The following PCDH7 variants were observed in gnomAD, a reference collection of about 807,000 sequenced individuals.
PCDH7 encodes protocadherin-7.
In PCDH7, 17 loss-of-function variants were observed where a neutral mutation model predicts 58.9. The ratio of observed to expected loss-of-function variants is 0.29; its 90% CI spans 0.20 to 0.43. The LOEUF (loss-of-function observed/expected upper bound fraction) is 0.43. PCDH7 is among the 20% of genes least tolerant of loss of function. The pLI is 1.00. For missense variants in PCDH7, 1,274 were observed against 1,441.0 expected, an observed-to-expected ratio of 0.88 and a Z score of 1.88; for synonymous variants, 664 against 616.4, an observed-to-expected ratio of 1.08 and a Z score of -1.14.
intron 3 of PCDH7, among the ~76,000 whole-genome samples, chr4:31,021,870 T>G (rs575798372): frequency 6.6e-6 from 1 of 152,242 alleles, no homozygotes; most frequent in South Asian, 2.1e-4. Context: ...ACTGAGGAAG[T>G]TATTTTCTTT....
At chr4:30,911,987 G>A (rs930198108) in intron 1 of PCDH7, among the ~76,000 whole-genome samples, 7 of 152,048 alleles carry the variant, frequency 4.6e-5, no homozygotes, top group Non-Finnish European at 8.8e-5. Flanking sequence ...AATTTCTAAA[G>A]TACAGATATA....
intron 1 of PCDH7, among the ~76,000 whole-genome samples, chr4:30,847,769 A>G (rs746380670): frequency 6.6e-6 from 1 of 152,242 alleles, no homozygotes; most frequent in Middle Eastern, 3.4e-3. Flanking sequence ...AGAGAATTAT[A>G]TATTTTACCA....
At chr4:30,835,298 C>T (rs563166965) in intron 1 of PCDH7, among the ~76,000 whole-genome samples, 3 of 152,118 alleles carry the variant, frequency 2.0e-5, no homozygotes, top group Non-Finnish European at 4.4e-5. Flanking sequence ...CACAGGCAAG[C>T]GAGCATTACT....
intron 3 of PCDH7, among the ~76,000 whole-genome samples, chr4:31,114,808 A>G (rs1716797286): frequency 6.6e-6 from 1 of 152,172 alleles, no homozygotes; most frequent in Non-Finnish European, 1.5e-5. Flanking sequence ...GACTCCTTAA[A>G]TAAAAACATG....
intron 3 of PCDH7, among the ~76,000 whole-genome samples, chr4:31,112,181 C>T (rs182482561): frequency 3.3e-5 from 5 of 152,078 alleles, no homozygotes; most frequent in African/African-American, 1.2e-4. Context: ...TGATAGAAAC[C>T]TTCTTTCAGT....
In PCDH7 at chr4:30,891,598, T is replaced by A. The variant is rs188521349; in HGVS notation, c.71-28555T>A. 3.2e-3 allele frequency among the ~76,000 whole-genome samples: 493 copies of A among 152,166 alleles called. 1 individual carries two copies. Among genetic ancestry groups the A allele is most frequent in the Non-Finnish European group, 5.2e-3 (350 of 67,910 alleles). On this transcript the variant is annotated intron_variant, in intron 1 of 3. Transcript: ENST00000509759. The stretch of plus-strand genomic sequence containing the variant: ...CCTGGTGAATGAACTTATCAGTGTG[T>A]CTGATCCAAATCCACTATTTTTCTC...
chr4:31,085,660 A>G (rs1267405911), intron 3 of PCDH7, among the ~76,000 whole-genome samples: 1 of 152,174 alleles, frequency 6.6e-6, no homozygotes, highest in Non-Finnish European at 1.5e-5. Context: ...TTACATTTCA[A>G]CATGAGATTT....
chr4:30,727,875 T>C (rs2109233546), intron 1 of PCDH7, among the ~76,000 whole-genome samples: 1 of 152,058 alleles, frequency 6.6e-6, no homozygotes, highest in South Asian at 2.1e-4. Flanking sequence ...TTGCTTATTA[T>C]TCTTGAATTC....
Position 30,722,880 on chromosome 4 carries a change from C to A in PCDH7, c.1458C>A (p.Phe486Leu), listed in dbSNP as rs748738921. The change falls in exon 1 of 2, where the codon TTC (phenylalanine) becomes TTA (leucine). Residue 486 changes from phenylalanine to leucine, a missense_variant. By Grantham distance (22) the Phe-to-Leu change is conservative. Transcript: ENST00000361762. The surrounding 1 kb of genome is among the most constrained non-coding windows in gnomAD (Gnocchi z 7.6). ...GCGACCAGAACAAGAAAAAGTACTT[C>A]TTGCACACCTCGACCCCTCTGGACT... The A allele has an allele frequency of 1.9e-6, 3 of 1,613,788 alleles. No individual in the cohort carries two copies. Among genetic ancestry groups the A allele is most frequent in the Admixed American group, 1.7e-5 (1 of 60,004 alleles).
intron 1 of PCDH7, among the ~76,000 whole-genome samples, chr4:30,807,033 C>T (rs1456069689): frequency 6.6e-6 from 1 of 152,134 alleles, no homozygotes. Flanking sequence ...GCATCTCCAG[C>T]CATCCTTTTC....
intron 1 of PCDH7, among the ~76,000 whole-genome samples, chr4:30,874,442 A>C (rs1456759024): frequency 6.6e-6 from 1 of 151,982 alleles, no homozygotes; most frequent in South Asian, 2.1e-4. Context: ...TTGCAAGGAC[A>C]AAAAAGCAAA....
At chr4:30,813,526 T>C (rs1362480297) in intron 1 of PCDH7, among the ~76,000 whole-genome samples, 1 of 152,212 alleles carries the variant, frequency 6.6e-6, no homozygotes, top group Non-Finnish European at 1.5e-5. Flanking sequence ...AAATACAGTA[T>C]GATATGACTA....
chr4:31,001,692 G>A (rs536725907), intron 3 of PCDH7, among the ~76,000 whole-genome samples: 22 of 152,236 alleles, frequency 1.4e-4, no homozygotes, highest in Admixed American at 9.2e-4. Context: ...TCATTAAATC[G>A]TGTAGTGAAG....
At chr4:31,034,281 T>C (rs1207098812) in intron 3 of PCDH7, among the ~76,000 whole-genome samples, 3 of 152,190 alleles carry the variant, frequency 2.0e-5, no homozygotes, top group African/African-American at 7.2e-5. Context: ...AGAGGCATAT[T>C]AAATGCTTCT....
At chr4:30,988,532 T>C (rs1400639688) in intron 3 of PCDH7, among the ~76,000 whole-genome samples, 1 of 152,226 alleles carries the variant, frequency 6.6e-6, no homozygotes, top group Non-Finnish European at 1.5e-5. Flanking sequence ...AGGCCTTGGA[T>C]TGTTGAAACA....
chr4:30,830,482 A>C (rs1729633513), intron 1 of PCDH7, among the ~76,000 whole-genome samples: 1 of 152,102 alleles, frequency 6.6e-6, no homozygotes, highest in Admixed American at 6.6e-5. Context: ...TTTAAAAAAT[A>C]ACATGTTTTG....
intron 1 of PCDH7, among the ~76,000 whole-genome samples, chr4:30,807,699 T>C (rs867142174): frequency 6.6e-6 from 1 of 152,078 alleles, no homozygotes; most frequent in Non-Finnish European, 1.5e-5. Context: ...TTTTTAAAGA[T>C]GTGATGGAGC....
At position 30,887,139 on chromosome 4, in the gene PCDH7, A is replaced by G. The variant is rs191950135; in HGVS notation, c.71-33014A>G. Among the ~76,000 whole-genome samples, 562 of 152,178 alleles carry G rather than the reference A, an allele frequency of 3.7e-3. 6 individuals carry two copies. The highest frequency in any genetic ancestry group is 0.013 in the African/African-American group (540 of 41,546). On this transcript the variant is annotated intron_variant, in intron 1 of 3. Coordinates refer to the PCDH7 transcript ENST00000509759. ...TAAAACTTAAAGTATAATAATAATAAAAAAAAGCTATGTATAGGGACAATC... is the reference window on the plus strand; with the variant it reads ...TAAAACTTAAAGTATAATAATAATAGAAAAAAGCTATGTATAGGGACAATC...
chr4:30,725,236 T>C (rs1714448133), intron 1 of PCDH7: 2 of 988,464 alleles, frequency 2.0e-6, no homozygotes, highest in African/African-American at 3.5e-5. Context: ...TCGATACCTA[T>C]AACAATTAGT....
Sources: allele counts gnomAD v4.1 joint callset (sites outside exome capture counted in the v4.1 genomes callset), GRCh38; gene constraint gnomAD v4.1.1; non-coding constraint Gnocchi (gnomAD v3.1); transcripts MANE v1.5; gene names NCBI Gene and HGNC (gene_info 2026-07-23, HGNC 2026-07-21).